MYCT1: variants seen among roughly 807,000 people sequenced by gnomAD.
MYCT1 encodes myc target protein 1.
A neutral mutation model predicts 15.0 loss-of-function variants in MYCT1; 12 were observed. The ratio of observed to expected loss-of-function variants is 0.80; its 90% CI spans 0.51 to 1.29. MYCT1 has a LOEUF of 1.29. MYCT1 is among the 50% of genes most tolerant of loss of function. The pLI, the probability that MYCT1 is intolerant of heterozygous loss-of-function variation, is 0.00. For missense variants in MYCT1, 287 were observed against 279.1 expected, an observed-to-expected ratio of 1.03 and a Z score of -0.20; for synonymous variants, 104 against 102.7, an observed-to-expected ratio of 1.01 and a Z score of -0.07.
At chr6:152,726,029 C>A (rs1427690747), downstream of MYCT1, among the ~76,000 whole-genome samples, 1 of 152,214 alleles carries the variant, frequency 6.6e-6, no homozygotes, top group East Asian at 1.9e-4. Flanking sequence ...TTTGAATAAA[C>A]TTCCATTACT....
At chr6:152,699,180 CTA>C (rs1181281474) in intron 1 of MYCT1, among the ~76,000 whole-genome samples, 1 of 152,140 alleles carries the variant, frequency 6.6e-6, no homozygotes, top group Admixed American at 6.5e-5. Flanking sequence ...TCCCAGCAAT[CTA>C]TATGTCTACC....
rs1291149930 is a variant in MYCT1, at chr6:152,722,774, G to A, written c.*521G>A. ...TTCTTTTGAGACAGGGTCTTGATCCGTCGCCCAGGCGGGAGTTGCAGTAGC... is the reference window on the plus strand; with the variant it reads ...TTCTTTTGAGACAGGGTCTTGATCCATCGCCCAGGCGGGAGTTGCAGTAGC... On this transcript the variant is annotated 3_prime_UTR_variant, in exon 2 of 2. Transcript: ENST00000367245. The A allele has an allele frequency of 2.0e-5, 8 of 407,964 alleles. No homozygotes were observed. The highest frequency in any genetic ancestry group is 2.8e-5 in the Admixed American group (1 of 35,640). The allele number at this position is 407,964 out of a possible 1,614,324, so 25.3% of individuals were successfully genotyped here.
chr6:152,733,753 T>C, the MYCT1 span, among the ~76,000 whole-genome samples: 3 of 152,194 alleles, frequency 2.0e-5, no homozygotes, highest in Admixed American at 1.3e-4. Context: ...AAGAAGGACT[T>C]GGGAATAGGC....
downstream of MYCT1, among the ~76,000 whole-genome samples, chr6:152,728,162 T>TA (rs772602191): frequency 5.8e-4 from 69 of 118,948 alleles, no homozygotes; most frequent in Non-Finnish European, 1.2e-3. Flanking sequence ...AGCCTCTGTC[T>TA]GGAAAAAAAA....
At position 152,719,056 on chromosome 6, in the gene MYCT1, C is replaced by T. The variant is rs116112804; in HGVS notation, c.197-2686C>T. Among the ~76,000 whole-genome samples the T allele has an allele frequency of 5.9e-3, 896 of 152,068 alleles. 5 individuals carry two copies. The highest frequency in any genetic ancestry group is 0.02 in the African/African-American group (842 of 41,490). Reference sequence around the variant, plus strand: ...TCAAGTGTTAATTCTACCACATGAACCTTAGCTTCTGTTTCAATATCTATA... The same window carrying T: ...TCAAGTGTTAATTCTACCACATGAATCTTAGCTTCTGTTTCAATATCTATA... On this transcript the variant is annotated intron_variant, in intron 1 of 1. Coordinates refer to ENST00000367245, the MANE Select transcript of MYCT1 (RefSeq NM_025107.3).
chr6:152,730,024 G>C, the MYCT1 span, among the ~76,000 whole-genome samples: 1 of 152,152 alleles, frequency 6.6e-6, no homozygotes, highest in Non-Finnish European at 1.5e-5. Context: ...ATGTAGATGT[G>C]CCAATCACAT....
chr6:152,705,491 A>T (rs901472431), intron 1 of MYCT1, among the ~76,000 whole-genome samples: 27 of 151,774 alleles, frequency 1.8e-4, no homozygotes, highest in Admixed American at 1.5e-3. Context: ...GGTTTATTTC[A>T]CTTAGCATAA....
Position 152,721,772 on chromosome 6 carries a change from T to C in MYCT1, c.227T>C (p.Met76Thr), listed in dbSNP as rs181606126. Residue 76 changes from methionine (M) to threonine (T), a missense_variant, in exon 2 of 2, where the codon ATG becomes ACG. Transcript: ENST00000367245. ...EDLIMSFTVSMAIGLVLGGFI... is the reference protein window; with the variant it reads ...EDLIMSFTVSTAIGLVLGGFI... ...CTTATCATGTCCTTCACTGTATCCA[T>C]GGCAATCGGGCTGGTACTTGGAGGA... 9.3e-6 allele frequency: 15 copies of C among 1,614,140 alleles called. No homozygotes were observed. The East Asian group carries it at 3.1e-4, about 34-fold the overall frequency.
chr6:152,713,093 C>G (rs907265666), intron 1 of MYCT1, among the ~76,000 whole-genome samples: 1 of 151,952 alleles, frequency 6.6e-6, no homozygotes. Context: ...CTTTTTCCCC[C>G]CAATATTTTT....
rs1274768143 is a variant in MYCT1 at position 152,708,866 on chromosome 6, T to A, written c.196+10768T>A. Among the ~76,000 whole-genome samples the A allele has an allele frequency of 1.1e-3, 18 of 15,990 alleles. 7 individuals carry two copies. Among genetic ancestry groups the A allele is most frequent in the South Asian group, 9.7e-3 (4 of 414 alleles). 10.5% of individuals were successfully genotyped at this position (15,990 alleles called of 152,430 possible). On this transcript the variant is annotated intron_variant, in intron 1 of 1. Coordinates refer to ENST00000367245, the MANE Select transcript of MYCT1 (RefSeq NM_025107.3). ...AAAGAGTATTTATTTTTTTATTTTT[T>A]TTTTTATTATACTCTAAGTTTTAGG...
chr6:152,698,139 A>T (rs759150210), intron 1 of MYCT1, 41 bp downstream of exon 1: 1 of 1,197,674 alleles, frequency 8.3e-7, no homozygotes. Context: ...TAAAATTAGG[A>T]TGTAAGAAAT....
At chr6:152,730,969 G>T in the MYCT1 span, among the ~76,000 whole-genome samples, 2 of 152,110 alleles carry the variant, frequency 1.3e-5, no homozygotes, top group East Asian at 3.9e-4. Flanking sequence ...ATAAAGCACA[G>T]GTTATACAAC....
At chr6:152,720,097 T>A (rs564842965) in intron 1 of MYCT1, among the ~76,000 whole-genome samples, 1 of 152,044 alleles carries the variant, frequency 6.6e-6, no homozygotes. Context: ...ATTTGGTGAG[T>A]TGACTAGCAT....
intron 1 of MYCT1, among the ~76,000 whole-genome samples, chr6:152,720,557 CT>C (rs761842896): frequency 5.3e-5 from 8 of 152,196 alleles, no homozygotes; most frequent in Admixed American, 1.3e-4. Flanking sequence ...TTATTTTTGT[CT>C]AGGAAATGTA....
At position 152,721,829 on chromosome 6, in the gene MYCT1, G is replaced by A. The variant is rs748344102; in HGVS notation, c.284G>A (p.Arg95Gln). 21 of 1,613,816 alleles carry A rather than the reference G, an allele frequency of 1.3e-5. No individual in the cohort carries two copies. Among genetic ancestry groups the A allele is most frequent in the African/African-American group, 6.7e-5 (5 of 74,822 alleles). Residue 95 changes from arginine (R) to glutamine (Q), a missense_variant, in exon 2 of 2, where the codon CGA (arginine) becomes CAA (glutamine). Coordinates refer to ENST00000367245, the MANE Select transcript of MYCT1 (RefSeq NM_025107.3). ...TGGGCTGTGTTCATTTGTCTGTCTC[G>A]AAGAAGAAGAGCCAGTGCTCCCATC... The part of the protein sequence containing the change: ...FIWAVFICLS[R>Q]RRRASAPISQ...
At chr6:152,743,261 A>G in the MYCT1 span, among the ~76,000 whole-genome samples, 2 of 152,036 alleles carry the variant, frequency 1.3e-5, no homozygotes, top group Admixed American at 6.6e-5. Context: ...AGATAGGGTT[A>G]TGCCATGTTG....
At chr6:152,715,956 G>A (rs1372292181) in intron 1 of MYCT1, among the ~76,000 whole-genome samples, 2 of 152,110 alleles carry the variant, frequency 1.3e-5, no homozygotes, top group Admixed American at 1.3e-4. Flanking sequence ...TTTTACTCTG[G>A]GAGAAGTGGA....
the MYCT1 span, among the ~76,000 whole-genome samples, chr6:152,736,885 A>G: frequency 7.9e-5 from 12 of 152,128 alleles, 1 homozygote; most frequent in Admixed American, 7.2e-4. Context: ...GCTAATTGGT[A>G]GAGAACCCTG....
At chr6:152,706,847 ATGTGTG>A (rs4034690) in intron 1 of MYCT1, among the ~76,000 whole-genome samples, 27 of 148,302 alleles carry the variant, frequency 1.8e-4, no homozygotes, top group South Asian at 1.1e-3. Flanking sequence ...GAAACCATAT[ATGTGTG>A]TGTGTGTGTG....
Sources: allele counts gnomAD v4.1 joint callset (sites outside exome capture counted in the v4.1 genomes callset), GRCh38; gene constraint gnomAD v4.1.1; transcripts MANE v1.5; gene names NCBI Gene and HGNC (gene_info 2026-07-23, HGNC 2026-07-21).